PHLPP2: variants seen among roughly 807,000 people sequenced by gnomAD.
PHLPP2 encodes PH domain and leucine rich repeat protein phosphatase 2, also known as PH domain leucine-rich repeat-containing protein phosphatase 2.
Under a neutral mutation model 124.9 loss-of-function variants are expected in PHLPP2, and 66 were observed. The observed-to-expected ratio is 0.53, with a 90% CI of 0.43 to 0.65. The LOEUF (loss-of-function observed/expected upper bound fraction) is 0.65, where lower values mean the gene tolerates loss of function less well. Ranked by LOEUF, PHLPP2 falls within the 30% of genes least tolerant of loss-of-function variation. The pLI, the probability that PHLPP2 is intolerant of heterozygous loss-of-function variation, is 0.00. For synonymous variants in PHLPP2, 681 were observed against 624.7 expected, an observed-to-expected ratio of 1.09 and a Z score of -1.34; for missense variants, 1,685 against 1,600.4, an observed-to-expected ratio of 1.05 and a Z score of -0.90.
In PHLPP2 at chr16:71,714,564, C is replaced by T. The variant is rs753538458; in HGVS notation, c.232G>A (p.Ala78Thr). The change falls in exon 2 of 19, where the codon GCT (alanine) becomes ACT (threonine). Residue 78 changes from alanine to threonine, a missense_variant. Coordinates refer to ENST00000568954, the MANE Select transcript of PHLPP2 (RefSeq NM_015020.3). Reference sequence around the variant, plus strand: ...TAAAGACTTTCTCTTCCCTCTCCAGCACATATTTCTGATGCTGGTGTCTCT... The same window carrying T: ...TAAAGACTTTCTCTTCCCTCTCCAGTACATATTTCTGATGCTGGTGTCTCT... Reference protein sequence around the residue: ...TVETPASEICAGEGRESLYLQ... With the variant: ...TVETPASEICTGEGRESLYLQ... The T allele has an allele frequency of 6.2e-7, 1 of 1,614,062 alleles. No homozygotes were observed. Among genetic ancestry groups the T allele is most frequent in the Non-Finnish European group, 8.5e-7 (1 of 1,179,964 alleles).
At chr16:71,718,869 C>A (rs544713856) in intron 1 of PHLPP2, among the ~76,000 whole-genome samples, 1 of 152,100 alleles carries the variant, frequency 6.6e-6, no homozygotes, top group Non-Finnish European at 1.5e-5. Context: ...TAAACCTGAC[C>A]GATGGGCACT....
At chr16:71,675,850 A>G (rs1238464168) in intron 9 of PHLPP2, among the ~76,000 whole-genome samples, 2 of 152,000 alleles carry the variant, frequency 1.3e-5, no homozygotes, top group African/African-American at 2.4e-5. Flanking sequence ...CAGCCTCCTG[A>G]GTAGCTGGGA....
At chr16:71,677,586 C>T (rs368555539) in intron 8 of PHLPP2, 1 of 149,216 alleles carries the variant, frequency 6.7e-6, no homozygotes, top group East Asian at 2.0e-4. Flanking sequence ...TCTCACTTTC[C>T]TGTATTTCTA....
intron 3 of PHLPP2, among the ~76,000 whole-genome samples, chr16:71,702,301 A>C (rs1356050116): frequency 6.6e-6 from 1 of 152,230 alleles, no homozygotes; most frequent in East Asian, 1.9e-4. Flanking sequence ...AGCTTGAAAA[A>C]ATAATTTACT....
At chr16:71,654,614 T>TG (rs1025848115) in intron 17 of PHLPP2, among the ~76,000 whole-genome samples, 2 of 152,190 alleles carry the variant, frequency 1.3e-5, no homozygotes, top group Non-Finnish European at 2.9e-5. Flanking sequence ...TATAAGCTAA[T>TG]GGGGTAAGCG....
chr16:71,648,774 A>G lies in PHLPP2; in HGVS notation c.*116T>C. On this transcript the variant is annotated 3_prime_UTR_variant, in exon 19 of 19. Coordinates refer to ENST00000568954, the MANE Select transcript of PHLPP2 (RefSeq NM_015020.3). ...CGACTGAGCAAGACTCCGTCTCAAA[A>G]CAAACAAACAAAAAAAAAACGAACA... is the stretch of plus-strand genomic sequence containing the variant. 1 of 805,088 alleles carries G rather than the reference A, an allele frequency of 1.2e-6. No homozygotes were observed. The allele number at this position is 805,088 out of a possible 1,614,324, so 49.9% of individuals were successfully genotyped here.
chr16:71,679,430 A>G lies in PHLPP2; in HGVS notation c.996T>C (p.Asn332=). 6.2e-7 allele frequency: 1 copy of G among 1,614,020 alleles called. No individual in the cohort carries two copies. Among genetic ancestry groups the G allele is most frequent in the Non-Finnish European group, 8.5e-7 (1 of 1,179,876 alleles). ...TTTGACTTGGTAGGTCATGAAATCC[A>G]TTACAGGAAAGGTTGAGCTCAGTCA... ...STLTELNLSC[N]GFHDLPSQIG... is the part of the protein sequence containing the mutation. Residue 332 remains asparagine, a synonymous_variant, in exon 7 of 19, where the codon AAT becomes AAC. Transcript: ENST00000568954.
chr16:71,693,577 C>A (rs1475623878), intron 3 of PHLPP2, among the ~76,000 whole-genome samples: 2 of 152,194 alleles, frequency 1.3e-5, no homozygotes, highest in African/African-American at 4.8e-5. Context: ...CCAGACTGAT[C>A]TTCCCTGGGC....
chr16:71,646,023 C>T lies in PHLPP2; in HGVS notation c.*2867G>A, dbSNP rs551674506. 3 of 152,764 alleles carry T rather than the reference C, an allele frequency of 2.0e-5. No homozygotes were observed. In the South Asian group the frequency reaches 6.2e-4, roughly 32 times the overall value. 9.5% of individuals were successfully genotyped at this position (152,764 alleles called of 1,614,324 possible). On this transcript the variant is annotated 3_prime_UTR_variant, in exon 19 of 19. Coordinates refer to ENST00000568954, the MANE Select transcript of PHLPP2 (RefSeq NM_015020.3). ...TTCTCTACTCAATGGGAGGTACACA[C>T]AGAGACCTGAGAATATGCAGAGGCC...
intron 13 of PHLPP2, among the ~76,000 whole-genome samples, chr16:71,662,481 C>T (rs1327195712): frequency 6.6e-6 from 1 of 151,702 alleles, no homozygotes; most frequent in Non-Finnish European, 1.5e-5. Flanking sequence ...GCCTGTAGTC[C>T]CATCTCCTTG....
intron 2 of PHLPP2, among the ~76,000 whole-genome samples, chr16:71,712,750 T>C (rs1165880236): frequency 1.3e-5 from 2 of 152,238 alleles, no homozygotes; most frequent in African/African-American, 2.4e-5. Context: ...ATAGTAGATC[T>C]CAGTTTAGAC....
intron 2 of PHLPP2, among the ~76,000 whole-genome samples, chr16:71,708,021 G>A (rs150864806): frequency 2.9e-3 from 445 of 152,296 alleles, no homozygotes; most frequent in Admixed American, 4.6e-3. Flanking sequence ...ACTTTGGGAA[G>A]CAGCAGTGGG....
intron 4 of PHLPP2, among the ~76,000 whole-genome samples, chr16:71,687,972 A>T (rs2045069659): frequency 1.3e-5 from 2 of 152,154 alleles, no homozygotes; most frequent in African/African-American, 2.4e-5. Flanking sequence ...AAAATAGAGG[A>T]GTCAGTCCAG....
chr16:71,686,408 A>G (rs1278057052), intron 4 of PHLPP2, among the ~76,000 whole-genome samples: 2 of 152,134 alleles, frequency 1.3e-5, no homozygotes, highest in Non-Finnish European at 2.9e-5. Context: ...TCCTAGACTC[A>G]AACAATTCTC....
intron 2 of PHLPP2, among the ~76,000 whole-genome samples, chr16:71,706,212 A>C (rs1031729989): frequency 6.6e-6 from 1 of 152,238 alleles, no homozygotes; most frequent in Non-Finnish European, 1.5e-5. Context: ...TGTGAGACCT[A>C]CTATAGTCCA....
At chr16:71,667,375 T>C in intron 11 of PHLPP2, 42 bp from the exon 12 acceptor site, 1 of 1,496,212 alleles carries the variant, frequency 6.7e-7, no homozygotes, top group Non-Finnish European at 9.2e-7. Flanking sequence ...AAAACTTACT[T>C]AAATCATTCT....
intron 1 of PHLPP2, among the ~76,000 whole-genome samples, chr16:71,716,606 C>T (rs2045364506): frequency 6.6e-6 from 1 of 152,188 alleles, no homozygotes; most frequent in Non-Finnish European, 1.5e-5. Flanking sequence ...TCTCCAGCTT[C>T]GTTCCCTACT....
intron 6 of PHLPP2, among the ~76,000 whole-genome samples, chr16:71,680,232 C>T (rs1481936489): frequency 6.6e-6 from 1 of 152,134 alleles, no homozygotes; most frequent in Non-Finnish European, 1.5e-5. Context: ...AAGAATTAAT[C>T]AACTCATAGA....
At chr16:71,714,186 C>T (rs1219003979) in intron 2 of PHLPP2, among the ~76,000 whole-genome samples, 1 of 152,094 alleles carries the variant, frequency 6.6e-6, no homozygotes, top group African/African-American at 2.4e-5. Flanking sequence ...GTGATACACC[C>T]ACCTCAGCCT....
Sources: gnomAD v4.1 joint callset for allele counts (sites outside exome capture counted in the v4.1 genomes callset) on GRCh38, gnomAD v4.1.1 for gene constraint, MANE v1.5 for transcripts, NCBI Gene and HGNC (gene_info 2026-07-23, HGNC 2026-07-21) for gene names.